The following ZC3H12B variants were observed in gnomAD, a reference collection of about 807,000 sequenced individuals.
The protein encoded by ZC3H12B is probable ribonuclease ZC3H12B.
A neutral mutation model predicts 43.9 loss-of-function variants in ZC3H12B; 7 were observed. That is an observed-to-expected ratio of 0.16 (90% CI 0.09 to 0.30). The LOEUF (loss-of-function observed/expected upper bound fraction) is 0.30, where lower values mean the gene tolerates loss of function less well. Among genes scored for constraint, ZC3H12B ranks in the 10% least tolerant of loss-of-function variants. The pLI, the probability that ZC3H12B is intolerant of heterozygous loss-of-function variation, is 1.00. For missense variants in ZC3H12B, 475 were observed against 670.2 expected (o/e 0.71, Z 3.22); for synonymous variants, 222 against 241.7 (o/e 0.92, Z 0.76).
the ZC3H12B span, among the ~76,000 whole-genome samples, chrX:65,038,725 C>T: frequency 9.0e-6 from 1 of 111,213 alleles, no homozygotes; most frequent in African/African-American, 3.3e-5. Flanking sequence ...AACTGTCAGT[C>T]TCTGTTAAGT....
chrX:65,406,102 G>A (rs766387811), intron 3 of ZC3H12B, among the ~76,000 whole-genome samples: 1 of 111,139 alleles, frequency 9.0e-6, no homozygotes, highest in East Asian at 2.8e-4. Context: ...AAACTATTGC[G>A]AAAAATAGAA....
chrX:65,154,234 A>G, the ZC3H12B span, among the ~76,000 whole-genome samples: 3 of 112,304 alleles, frequency 2.7e-5, no homozygotes, highest in Non-Finnish European at 3.8e-5. Flanking sequence ...GTACAATAAT[A>G]ATAAAATTTA....
At chrX:65,359,807 A>G in the ZC3H12B span, among the ~76,000 whole-genome samples, 1 of 112,458 alleles carries the variant, frequency 8.9e-6, no homozygotes, top group African/African-American at 3.2e-5. Flanking sequence ...GTGGGGTTTG[A>G]GAACATAGAC....
chrX:65,058,541 GCAGT>G, the ZC3H12B span, among the ~76,000 whole-genome samples: 531 of 112,224 alleles, frequency 4.7e-3, 4 homozygotes, highest in African/African-American at 0.016. Flanking sequence ...ACTTGAGGAG[GCAGT>G]CTGTCTGTTC....
At chrX:65,462,519 A>G (rs982077868) in intron 3 of ZC3H12B, among the ~76,000 whole-genome samples, 2 of 111,968 alleles carry the variant, frequency 1.8e-5, no homozygotes, top group Admixed American at 1.9e-4. Context: ...AAATAAAATA[A>G]AATAGAATAA....
chrX:65,225,892 C>T, the ZC3H12B span, among the ~76,000 whole-genome samples: 2 of 112,033 alleles, frequency 1.8e-5, no homozygotes, highest in African/African-American at 6.5e-5. Context: ...ACCAAATCTA[C>T]GTCTGATTGG....
chrX:65,211,286 G>A, the ZC3H12B span, among the ~76,000 whole-genome samples: 1 of 108,448 alleles, frequency 9.2e-6, no homozygotes, highest in Non-Finnish European at 1.9e-5. Context: ...AGTTTCTTTT[G>A]CTGTAAGAAT....
exon 5 of ZC3H12B, chrX:65,502,073 G>A (rs1355494180): frequency 1.7e-6 from 2 of 1,211,469 alleles, no homozygotes; most frequent in African/African-American, 3.5e-5. Flanking sequence ...TAAGCCTGAG[G>A]CTAGTTCTGT....
At chrX:65,352,535 C>A in the ZC3H12B span, among the ~76,000 whole-genome samples, 1 of 110,411 alleles carries the variant, frequency 9.1e-6, no homozygotes, top group Non-Finnish European at 1.9e-5. Context: ...GGTTTCTTTT[C>A]GGGGGTGATA....
At chrX:65,244,789 A>G in the ZC3H12B span, among the ~76,000 whole-genome samples, 2 of 108,833 alleles carry the variant, frequency 1.8e-5, no homozygotes, top group African/African-American at 6.7e-5. Context: ...AAAGCAAATT[A>G]TGATAAAACA....
At chrX:65,461,924 C>G (rs2067755482) in intron 3 of ZC3H12B, among the ~76,000 whole-genome samples, 1 of 109,695 alleles carries the variant, frequency 9.1e-6, no homozygotes, top group Non-Finnish European at 1.9e-5. Flanking sequence ...TCAGAAATAA[C>G]CACTAAAAAT....
chrX:65,159,249 G>T, the ZC3H12B span, among the ~76,000 whole-genome samples: 2 of 111,783 alleles, frequency 1.8e-5, no homozygotes, highest in Non-Finnish European at 3.8e-5. Context: ...TTGACTTGGC[G>T]ATGCGGGCTC....
chrX:65,305,330 TA>T, the ZC3H12B span, among the ~76,000 whole-genome samples: 3 of 106,850 alleles, frequency 2.8e-5, no homozygotes, highest in African/African-American at 6.7e-5. Flanking sequence ...CTGCAACATT[TA>T]AAAAAAAAAG....
At chrX:65,247,810 C>T in the ZC3H12B span, among the ~76,000 whole-genome samples, 4 of 111,278 alleles carry the variant, frequency 3.6e-5, no homozygotes, top group Admixed American at 1.9e-4. Flanking sequence ...TGGGATGATC[C>T]GTGCAGCAAA....
At chrX:65,113,532 C>A in the ZC3H12B span, among the ~76,000 whole-genome samples, 1 of 108,125 alleles carries the variant, frequency 9.2e-6, no homozygotes, top group African/African-American at 3.5e-5. Context: ...CCACTGCATT[C>A]CAACCTGGGT....
chrX:65,333,497 T>C, the ZC3H12B span, among the ~76,000 whole-genome samples: 2 of 111,872 alleles, frequency 1.8e-5, no homozygotes, highest in Admixed American at 1.9e-4. Flanking sequence ...CCAAAAAAAG[T>C]TTTCTTGACT....
chrX:65,391,721 TTCTCCCTCTCCC>T (rs202197705), intron 2 of ZC3H12B, among the ~76,000 whole-genome samples: 4 of 110,559 alleles, frequency 3.6e-5, no homozygotes, highest in Admixed American at 9.6e-5. Flanking sequence ...AAATTCAACA[TTCTCCCTCTCCC>T]TCTCCCTCTC....
At chrX:65,151,783 G>C in the ZC3H12B span, among the ~76,000 whole-genome samples, 1 of 111,485 alleles carries the variant, frequency 9.0e-6, no homozygotes, top group East Asian at 2.8e-4. Context: ...AACCAAAAAA[G>C]AGAATTTTTG....
the ZC3H12B span, among the ~76,000 whole-genome samples, chrX:65,250,668 T>G: frequency 8.9e-6 from 1 of 112,214 alleles, no homozygotes; most frequent in South Asian, 3.7e-4. Context: ...GGTTTTGATT[T>G]GCATTTCTCT....
Sources: allele counts gnomAD v4.1 joint callset (sites outside exome capture counted in the v4.1 genomes callset), GRCh38; gene constraint gnomAD v4.1.1; transcripts MANE v1.5; gene names NCBI Gene and HGNC (gene_info 2026-07-23, HGNC 2026-07-21).